Variants in GABRA3 observed in about 807,000 individuals in gnomAD.
GABRA3 encodes gamma-aminobutyric acid type A receptor subunit alpha3, also known as gamma-aminobutyric acid receptor subunit alpha-3.
A neutral mutation model predicts 30.1 loss-of-function variants in GABRA3; 10 were observed. The observed-to-expected ratio is 0.33, with a 90% CI of 0.20 to 0.56. GABRA3 has a LOEUF of 0.56. GABRA3 is among the 20% of genes least tolerant of loss of function. GABRA3 has a pLI of 0.89. For missense variants in GABRA3, 233 were observed against 392.0 expected, an observed-to-expected ratio of 0.59 and a Z score of 3.42; for synonymous variants, 151 against 146.8, an observed-to-expected ratio of 1.03 and a Z score of -0.21.
chrX:152,243,638 T>C lies in GABRA3; in HGVS notation c.551+12140A>G, dbSNP rs184808946. Among the ~76,000 whole-genome samples, 7 of 111,358 alleles carry C rather than the reference T, an allele frequency of 6.3e-5. No homozygotes were observed. The East Asian group carries it at 2.0e-3, about 32-fold the overall frequency. Reference sequence around the variant, plus strand: ...TTGAAGCCCTAAGACTAGATGATACTACAAAAGGAGTGATGTATCTAGGGA... The same window carrying C: ...TTGAAGCCCTAAGACTAGATGATACCACAAAAGGAGTGATGTATCTAGGGA... On this transcript the variant is annotated intron_variant, in intron 5 of 9. Coordinates refer to ENST00000370314, the MANE Select transcript of GABRA3 (RefSeq NM_000808.4).
At chrX:152,252,029 A>T (rs994135818) in intron 5 of GABRA3, among the ~76,000 whole-genome samples, 1 of 111,183 alleles carries the variant, frequency 9.0e-6, no homozygotes, top group African/African-American at 3.3e-5. Flanking sequence ...TATATCTTCT[A>T]TCTTTGTCTT....
intron 8 of GABRA3, among the ~76,000 whole-genome samples, chrX:152,190,871 A>AATATAT (rs59438630): frequency 7.6e-5 from 8 of 105,044 alleles, no homozygotes; most frequent in African/African-American, 2.7e-4. Flanking sequence ...TATGCATGTG[A>AATATAT]ATATATATAT....
chrX:152,359,600 G>C (rs1928423177), intron 2 of GABRA3, among the ~76,000 whole-genome samples: 1 of 109,897 alleles, frequency 9.1e-6, no homozygotes. Context: ...GCTAGCTTTG[G>C]GGTTGGTTTC....
intron 1 of GABRA3, among the ~76,000 whole-genome samples, chrX:152,395,281 G>GA (rs1929628171): frequency 9.0e-6 from 1 of 111,391 alleles, no homozygotes; most frequent in Non-Finnish European, 1.9e-5. Flanking sequence ...CAAATATGGA[G>GA]AAAATACCCA....
At chrX:152,371,180 C>T (rs772122420) in intron 1 of GABRA3, among the ~76,000 whole-genome samples, 17 of 111,207 alleles carry the variant, frequency 1.5e-4, no homozygotes, top group African/African-American at 3.9e-4. Context: ...CAATGTCCCA[C>T]GATCCTTTTG....
At chrX:152,392,165 A>G (rs1929503030) in intron 1 of GABRA3, 1 of 374,169 alleles carries the variant, frequency 2.7e-6, no homozygotes, top group African/African-American at 2.5e-5. Flanking sequence ...TTAGAAACAC[A>G]GAGCACAGGA....
chrX:152,294,888 G>C (rs1939497197), intron 3 of GABRA3, among the ~76,000 whole-genome samples: 1 of 110,614 alleles, frequency 9.0e-6, no homozygotes, highest in Non-Finnish European at 1.9e-5. Flanking sequence ...AGTCAGGTCT[G>C]TTGGCGTTTG....
intron 5 of GABRA3, chrX:152,251,145 A>ATGCTTCTG (rs769894658): frequency 3.0e-6 from 1 of 332,171 alleles, no homozygotes; most frequent in East Asian, 1.0e-4. Flanking sequence ...TGGCTTCATC[A>ATGCTTCTG]TGCTTCTGTG....
chrX:152,411,684 C>G (rs966950860), intron 1 of GABRA3, among the ~76,000 whole-genome samples: 1 of 111,424 alleles, frequency 9.0e-6, no homozygotes, highest in African/African-American at 3.3e-5. Flanking sequence ...TTAGATACAA[C>G]ACCAAAAGCA....
chrX:152,221,398 CAAT>C (rs771930507), intron 6 of GABRA3, among the ~76,000 whole-genome samples: 4 of 111,564 alleles, frequency 3.6e-5, no homozygotes, highest in Non-Finnish European at 5.7e-5. Flanking sequence ...TACTTTGCAA[CAAT>C]AATACCTTTT....
intron 3 of GABRA3, among the ~76,000 whole-genome samples, chrX:152,336,879 CCATTGGCTA>C (rs1394146058): frequency 2.7e-5 from 3 of 111,028 alleles, no homozygotes; most frequent in African/African-American, 9.8e-5. Context: ...AAGAGGAAAT[CCATTGGCTA>C]CAAGAGACAA....
intron 7 of GABRA3, among the ~76,000 whole-genome samples, chrX:152,198,786 C>T (rs963300037): frequency 8.9e-6 from 1 of 112,135 alleles, no homozygotes; most frequent in South Asian, 3.7e-4. Flanking sequence ...CAGCCTGTGT[C>T]TTTAATACCT....
intron 4 of GABRA3, among the ~76,000 whole-genome samples, chrX:152,264,926 T>C (rs1342765168): frequency 1.8e-5 from 2 of 111,142 alleles, no homozygotes; most frequent in Non-Finnish European, 3.8e-5. Flanking sequence ...TGATAAAGGG[T>C]TCAATTCAGC....
At chrX:152,202,180 G>A (rs1282514423) in intron 7 of GABRA3, among the ~76,000 whole-genome samples, 1 of 111,704 alleles carries the variant, frequency 9.0e-6, no homozygotes, top group Non-Finnish European at 1.9e-5. Flanking sequence ...AGCATTTGGA[G>A]AGAAAGCCAG....
intron 2 of GABRA3, among the ~76,000 whole-genome samples, chrX:152,358,041 T>C (rs1940578508): frequency 9.1e-6 from 1 of 109,476 alleles, no homozygotes; most frequent in Non-Finnish European, 1.9e-5. Flanking sequence ...TTGGGCTCTT[T>C]TGGGGTTCCA....
chrX:152,329,720 G>T (rs144547472), intron 3 of GABRA3, among the ~76,000 whole-genome samples: 88 of 112,016 alleles, frequency 7.9e-4, no homozygotes, highest in African/African-American at 2.8e-3. Flanking sequence ...AGACTTAAAT[G>T]TTAGACCTAG....
chrX:152,298,675 T>C (rs1243106086), intron 3 of GABRA3, among the ~76,000 whole-genome samples: 77 of 111,088 alleles, frequency 6.9e-4, no homozygotes, highest in African/African-American at 2.4e-3. Context: ...AATAGTGCCG[T>C]AATAAACATA....
intron 1 of GABRA3, among the ~76,000 whole-genome samples, chrX:152,434,804 A>G (rs1930735913): frequency 8.9e-6 from 1 of 111,890 alleles, no homozygotes; most frequent in Non-Finnish European, 1.9e-5. Flanking sequence ...AGATACATAA[A>G]AAGCATTTTA....
chrX:152,412,502 T>C (rs917974748), intron 1 of GABRA3, among the ~76,000 whole-genome samples: 1 of 112,187 alleles, frequency 8.9e-6, no homozygotes, highest in African/African-American at 3.2e-5. Flanking sequence ...GTGGCAACTA[T>C]AAAATGGAAT....
Sources: gnomAD v4.1 joint callset for allele counts (sites outside exome capture counted in the v4.1 genomes callset) on GRCh38, gnomAD v4.1.1 for gene constraint, MANE v1.5 for transcripts, NCBI Gene and HGNC (gene_info 2026-07-23, HGNC 2026-07-21) for gene names.